Variants in OSBP observed in about 807,000 individuals in gnomAD.
OSBP encodes oxysterol-binding protein 1.
Under a neutral mutation model 96.6 loss-of-function variants are expected in OSBP, and 32 were observed. That is an observed-to-expected ratio of 0.33 (90% CI 0.25 to 0.45). The LOEUF (loss-of-function observed/expected upper bound fraction) is 0.45, where lower values mean the gene tolerates loss of function less well. Among genes scored for constraint, OSBP ranks in the 20% least tolerant of loss-of-function variants. The pLI, the probability that OSBP is intolerant of heterozygous loss-of-function variation, is 1.00. For missense variants in OSBP, 653 were observed against 1,029.7 expected, an observed-to-expected ratio of 0.63 and a Z score of 5.01; for synonymous variants, 369 against 389.6, an observed-to-expected ratio of 0.95 and a Z score of 0.62.
chr11:59,588,570 A>G (rs1860532222), intron 9 of OSBP, among the ~76,000 whole-genome samples: 1 of 151,780 alleles, frequency 6.6e-6, no homozygotes, highest in South Asian at 2.1e-4. Context: ...TTTAATGTAT[A>G]TAGAGTTCCC....
At chr11:59,587,713 T>C (rs1031904984) in intron 9 of OSBP, among the ~76,000 whole-genome samples, 3 of 152,308 alleles carry the variant, frequency 2.0e-5, no homozygotes, top group African/African-American at 7.2e-5. Flanking sequence ...ACCGGAACCT[T>C]TGTGCACTGT....
At chr11:59,587,874 A>C (rs1860520365) in intron 9 of OSBP, among the ~76,000 whole-genome samples, 1 of 152,222 alleles carries the variant, frequency 6.6e-6, no homozygotes, top group African/African-American at 2.4e-5. Context: ...GTTGTTTTTT[A>C]AACATTTTTT....
At chr11:59,597,457 T>C (rs1860673298) in intron 7 of OSBP, among the ~76,000 whole-genome samples, 1 of 152,144 alleles carries the variant, frequency 6.6e-6, no homozygotes, top group South Asian at 2.1e-4. Flanking sequence ...TCCAGACAAG[T>C]GGGGTTTCTT....
Position 59,615,675 on chromosome 11 carries a change from C to A in OSBP, c.-11G>T. ...CTCCGTCGCCGCCATGAGCCGCCGCCGCCTGGAGATACAAGACCGGAACCG... is the reference window on the plus strand; with the variant it reads ...CTCCGTCGCCGCCATGAGCCGCCGCAGCCTGGAGATACAAGACCGGAACCG... On this transcript the variant is annotated 5_prime_UTR_variant, in exon 1 of 14. Coordinates refer to ENST00000263847, the MANE Select transcript of OSBP (RefSeq NM_002556.3). 1 of 1,316,292 alleles carries A rather than the reference C, an allele frequency of 7.6e-7. No individual in the cohort carries two copies. Among genetic ancestry groups the A allele is most frequent in the Non-Finnish European group, 9.7e-7 (1 of 1,033,572 alleles). The allele number at this position is 1,316,292 out of a possible 1,614,324, so 81.5% of individuals were successfully genotyped here. A position where few individuals can be genotyped will look rare whatever the true frequency, so the allele number is the denominator to read the frequency against.
At chr11:59,601,880 G>A (rs750547692) in intron 3 of OSBP, 42 bp from the exon 4 acceptor site, 1 of 1,575,712 alleles carries the variant, frequency 6.3e-7, no homozygotes, top group East Asian at 2.2e-5. Flanking sequence ...CAACTAGTCA[G>A]AGTTTCCCCT....
chr11:59,613,190 T>A (rs1860873767), intron 1 of OSBP, among the ~76,000 whole-genome samples: 1 of 152,212 alleles, frequency 6.6e-6, no homozygotes, highest in Non-Finnish European at 1.5e-5. Context: ...CACAGATTGA[T>A]AACTCTGGAT....
Position 59,575,870 on chromosome 11 carries a change from G to A in OSBP, c.*707C>T, listed in dbSNP as rs1860355609. On this transcript the variant is annotated 3_prime_UTR_variant, in exon 14 of 14. Coordinates refer to ENST00000263847, the MANE Select transcript of OSBP (RefSeq NM_002556.3). ...GAGGAGAATGCACCCCCTTACCAAT[G>A]ACCAAAGTGGTCTCCAGTTGCTATT... 1 of 152,172 alleles carries A rather than the reference G, an allele frequency of 6.6e-6. No homozygotes were observed. The highest frequency in any genetic ancestry group is 1.5e-5 in the Non-Finnish European group (1 of 68,028). The allele number at this position is 152,172 out of a possible 1,614,324, so 9.4% of individuals were successfully genotyped here.
At chr11:59,606,824 G>A (rs553004001) in intron 3 of OSBP, among the ~76,000 whole-genome samples, 3 of 152,178 alleles carry the variant, frequency 2.0e-5, no homozygotes, top group African/African-American at 7.2e-5. Context: ...CATACTAAAA[G>A]GTACAAAGGA....
At chr11:59,601,876 G>T in intron 3 of OSBP, 38 bp from the exon 4 acceptor site, 4 of 1,586,656 alleles carry the variant, frequency 2.5e-6, no homozygotes, top group Non-Finnish European at 2.6e-6. Flanking sequence ...AGCTCAACTA[G>T]TCAGAGTTTC....
intron 2 of OSBP, 58 bp from the exon 3 acceptor site, chr11:59,608,792 C>T: frequency 6.5e-7 from 1 of 1,545,084 alleles, no homozygotes; most frequent in East Asian, 2.2e-5. Flanking sequence ...CAGTTGGAAC[C>T]CTACCTACTC....
intron 9 of OSBP, among the ~76,000 whole-genome samples, chr11:59,582,618 T>C (rs374177393): frequency 6.6e-6 from 1 of 152,176 alleles, no homozygotes; most frequent in East Asian, 1.9e-4. Flanking sequence ...CCTGAGGTAG[T>C]TGTGGGGACT....
intron 8 of OSBP, 52 bp from the exon 9 acceptor site, chr11:59,593,776 A>G: frequency 6.2e-7 from 1 of 1,609,082 alleles, no homozygotes; most frequent in Non-Finnish European, 8.5e-7. Context: ...AGAAAAAGAT[A>G]CTGCCTATAA....
Position 59,600,968 on chromosome 11 carries a change from T to G in OSBP, c.1125-95A>C, listed in dbSNP as rs80170014. 1.1e-3 allele frequency: 1,040 copies of G among 983,290 alleles called. 4 individuals are homozygous for G. In the African/African-American group the frequency reaches 0.012, roughly 12 times the overall value. 60.9% of individuals were successfully genotyped at this position (983,290 alleles called of 1,614,324 possible). A position where few individuals can be genotyped will look rare whatever the true frequency, so the allele number is the denominator to read the frequency against. ...TTACAAAGCAGAATGCCAAGTACAC[T>G]GTATAAACTTATTGATGGGTGATCA... On this transcript the variant is annotated intron_variant, in intron 5 of 13. Coordinates refer to ENST00000263847, the MANE Select transcript of OSBP (RefSeq NM_002556.3).
In OSBP at chr11:59,600,759, A is replaced by G. The variant is rs563783274; in HGVS notation, c.1179+60T>C. 3.1e-4 allele frequency: 482 copies of G among 1,567,036 alleles called. 2 individuals carry two copies. Among genetic ancestry groups the G allele is most frequent in the Non-Finnish European group, 1.4e-5 (16 of 1,156,176 alleles). ...TTAGCACTTCACAAAAAAAAAAAAA[A>G]AATCCTTGGGAATCACAACCCACGT... is the stretch of plus-strand genomic sequence containing the variant. On this transcript the variant is annotated intron_variant, in intron 6 of 13. Transcript: ENST00000263847.
chr11:59,585,822 A>G (rs570747439), intron 9 of OSBP, among the ~76,000 whole-genome samples: 2,064 of 152,340 alleles, frequency 0.014, 46 homozygotes, highest in African/African-American at 0.047. Context: ...GTTCTGTTCT[A>G]AGAAAAATTC....
intron 9 of OSBP, among the ~76,000 whole-genome samples, chr11:59,588,127 A>T (rs1018003448): frequency 1.3e-5 from 2 of 152,258 alleles, no homozygotes; most frequent in African/African-American, 2.4e-5. Flanking sequence ...GAAACAAGCC[A>T]GTCACAAACA....
At chr11:59,602,927 C>CA (rs1360768008) in intron 3 of OSBP, among the ~76,000 whole-genome samples, 1 of 152,162 alleles carries the variant, frequency 6.6e-6, no homozygotes, top group African/African-American at 2.4e-5. Context: ...GTCGTGGACA[C>CA]AGATTTCTTT....
rs566246949 is a variant in OSBP at position 59,577,174 on chromosome 11, T to C, written c.2061-149A>G. 1.2e-4 allele frequency: 81 copies of C among 660,730 alleles called. 2 individuals are homozygous for C. In the South Asian group the frequency reaches 1.5e-3, roughly 12 times the overall value. 40.9% of individuals were successfully genotyped at this position (660,730 alleles called of 1,614,324 possible). On this transcript the variant is annotated intron_variant, in intron 12 of 13. Coordinates refer to ENST00000263847, the MANE Select transcript of OSBP (RefSeq NM_002556.3). The stretch of plus-strand genomic sequence containing the variant: ...GAAAAGGATCTAGGACCATGTCACA[T>C]TGCCCTAACTAAAGGAGACAAATTG...
chr11:59,593,506 C>T (rs1860610690), intron 9 of OSBP, 98 bp downstream of exon 9: 1 of 1,362,270 alleles, frequency 7.3e-7, no homozygotes, highest in African/African-American at 1.4e-5. Context: ...TCGAATCAGA[C>T]CTCCTGTCTC....
Sources: gnomAD v4.1 joint callset for allele counts (sites outside exome capture counted in the v4.1 genomes callset) on GRCh38, gnomAD v4.1.1 for gene constraint, MANE v1.5 for transcripts, NCBI Gene and HGNC (gene_info 2026-07-23, HGNC 2026-07-21) for gene names.